Variants in ASCC2 observed in about 807,000 individuals in gnomAD.
ASCC2 encodes activating signal cointegrator 1 complex subunit 2, also known as ASC-1 complex subunit P100.
ASCC2 carries 42 observed loss-of-function variants against 93.5 expected under a neutral mutation model. The observed-to-expected ratio is 0.45, with a 90% confidence interval of 0.35 to 0.58. The LOEUF is 0.58. Among genes scored for constraint, ASCC2 ranks in the 20% least tolerant of loss-of-function variants. The probability of loss-of-function intolerance (pLI) is 0.00; values close to 1 mark genes in which losing one functional copy is unlikely to be tolerated. For missense variants in ASCC2, 859 were observed against 977.6 expected, an observed-to-expected ratio of 0.88 and a Z score of 1.62; for synonymous variants, 364 against 384.2, an observed-to-expected ratio of 0.95 and a Z score of 0.62.
chr22:29,809,767 A>C (rs1009459501), intron 8 of ASCC2: 6 of 152,088 alleles, frequency 3.9e-5, no homozygotes, highest in African/African-American at 1.4e-4. Flanking sequence ...TGACAGAGTA[A>C]GACTGTCTCA....
chr22:29,829,706 A>G (rs1025241697), intron 2 of ASCC2, among the ~76,000 whole-genome samples: 1 of 152,020 alleles, frequency 6.6e-6, no homozygotes, highest in African/African-American at 2.4e-5. Flanking sequence ...CTGGGAAAAA[A>G]AAAAAATGGT....
chr22:29,829,630 C>T (rs936271461), intron 2 of ASCC2, among the ~76,000 whole-genome samples: 5 of 151,684 alleles, frequency 3.3e-5, no homozygotes, highest in African/African-American at 1.2e-4. Context: ...ACCCGGGAGG[C>T]GGAGGTTGCA....
At chr22:29,812,102 C>T (rs575040008) in intron 8 of ASCC2, among the ~76,000 whole-genome samples, 30 of 152,286 alleles carry the variant, frequency 2.0e-4, no homozygotes, top group Non-Finnish European at 2.6e-4. Flanking sequence ...TAAGCTGAGG[C>T]GACCAGGGAG....
At chr22:29,806,644 G>T in intron 10 of ASCC2, 91 bp from the exon 11 acceptor site, 3 of 1,458,632 alleles carry the variant, frequency 2.1e-6, no homozygotes, top group Non-Finnish European at 2.9e-6. Context: ...TAAGGCTGGG[G>T]CCCAGTGGAG....
At chr22:29,794,364 T>C (rs924358505) in intron 15 of ASCC2, among the ~76,000 whole-genome samples, 2 of 149,792 alleles carry the variant, frequency 1.3e-5, no homozygotes, top group East Asian at 2.0e-4. Flanking sequence ...TAGTGGCGGG[T>C]GCCTGTAATC....
At chr22:29,808,300 T>C in intron 8 of ASCC2, 115 bp from the exon 9 acceptor site, 1 of 1,071,608 alleles carries the variant, frequency 9.3e-7, no homozygotes, top group African/African-American at 1.6e-5. Context: ...CCACACAATT[T>C]TCTCCAGGGA....
chr22:29,801,262 G>A, intron 14 of ASCC2, 152 bp from the exon 15 acceptor site: 1 of 1,086,226 alleles, frequency 9.2e-7, no homozygotes, highest in South Asian at 2.0e-5. Flanking sequence ...TGAAGAGGGA[G>A]ATAAGCTGCT....
chr22:29,823,882 T>A (rs1392565110), intron 4 of ASCC2, among the ~76,000 whole-genome samples: 1 of 151,308 alleles, frequency 6.6e-6, no homozygotes, highest in East Asian at 1.9e-4. Flanking sequence ...ATTTTGTATT[T>A]ATGTATATTT....
chr22:29,789,217 T>C, intron 19 of ASCC2, 33 bp from the exon 20 acceptor site: 1 of 1,613,184 alleles, frequency 6.2e-7, no homozygotes, highest in Non-Finnish European at 8.5e-7. Flanking sequence ...CACGAGAACC[T>C]GTCAGCCGGA....
At chr22:29,803,731 G>T (rs1911861893) in intron 13 of ASCC2, among the ~76,000 whole-genome samples, 4 of 152,170 alleles carry the variant, frequency 2.6e-5, no homozygotes, top group Admixed American at 2.6e-4. Flanking sequence ...GAAATTTACA[G>T]ATCACAACAA....
At chr22:29,792,971 C>A (rs1261334554) in intron 17 of ASCC2, among the ~76,000 whole-genome samples, 1 of 152,024 alleles carries the variant, frequency 6.6e-6, no homozygotes, top group Non-Finnish European at 1.5e-5. Context: ...ATAGTGAGAA[C>A]CCCACCTCCA....
At chr22:29,790,417 C>T in intron 19 of ASCC2, 52 bp downstream of exon 19, 2 of 1,601,548 alleles carry the variant, frequency 1.2e-6, no homozygotes, top group South Asian at 2.2e-5. Flanking sequence ...TGGCTAGGCC[C>T]TCCCCAGATG....
intron 15 of ASCC2, among the ~76,000 whole-genome samples, chr22:29,797,252 C>T (rs2068221183): frequency 6.6e-6 from 1 of 152,162 alleles, no homozygotes. Flanking sequence ...GGGAGCAAGC[C>T]CTGGGAATAT....
intron 15 of ASCC2, among the ~76,000 whole-genome samples, chr22:29,794,864 G>A (rs1456483513): frequency 6.6e-6 from 1 of 152,024 alleles, no homozygotes; most frequent in Admixed American, 6.5e-5. Context: ...ATGGCCACAC[G>A]CCTATGCATG....
intron 18 of ASCC2, 107 bp downstream of exon 18, chr22:29,792,326 A>T: frequency 6.5e-7 from 1 of 1,534,636 alleles, no homozygotes; most frequent in Non-Finnish European, 8.8e-7. Context: ...CCTGCCAGTG[A>T]TGCTGGGGCT....
intron 1 of ASCC2, 90 bp from the exon 2 acceptor site, chr22:29,832,432 G>C (rs1205628262): frequency 9.6e-7 from 1 of 1,040,490 alleles, no homozygotes. Flanking sequence ...AGTCAGAAGA[G>C]AAGCTTCAAC....
intron 15 of ASCC2, among the ~76,000 whole-genome samples, chr22:29,793,941 C>G (rs866339712): frequency 1.3e-5 from 2 of 151,680 alleles, no homozygotes; most frequent in South Asian, 2.1e-4. Flanking sequence ...CTCTGTCACC[C>G]AGGCTGCAGT....
At chr22:29,791,306 G>A (rs2057714197) in intron 18 of ASCC2, among the ~76,000 whole-genome samples, 1 of 152,096 alleles carries the variant, frequency 6.6e-6, no homozygotes, top group Non-Finnish European at 1.5e-5. Context: ...GGGCCCAGGA[G>A]TTTGAGGCTG....
chr22:29,805,303 T>C (rs543010614), intron 12 of ASCC2, among the ~76,000 whole-genome samples: 11 of 152,264 alleles, frequency 7.2e-5, no homozygotes, highest in Non-Finnish European at 1.6e-4. Context: ...TCCCTGTCCT[T>C]CCTCCTTGTT....
Sources: allele counts gnomAD v4.1 joint callset (sites outside exome capture counted in the v4.1 genomes callset), GRCh38; gene constraint gnomAD v4.1.1; transcripts MANE v1.5; gene names NCBI Gene and HGNC (gene_info 2026-07-23, HGNC 2026-07-21).